SHLD3: variants seen among roughly 807,000 people sequenced by gnomAD.
SHLD3 encodes shieldin complex subunit 3, also known as REV7-interacting novel NHEJ regulator 1.
Under a neutral mutation model 21.4 loss-of-function variants are expected in SHLD3, and 15 were observed. The observed-to-expected ratio is 0.70, with a 90% CI of 0.47 to 1.08. The LOEUF (loss-of-function observed/expected upper bound fraction) is 1.08. SHLD3 is among the 50% of genes least tolerant of loss of function. The probability of loss-of-function intolerance (pLI) is 0.00; values close to 1 mark genes in which losing one functional copy is unlikely to be tolerated. For synonymous variants in SHLD3, 103 were observed against 97.2 expected (o/e 1.06, Z -0.35); for missense variants, 273 against 286.1 (o/e 0.95, Z 0.33).
Position 65,630,544 on chromosome 5 carries a change from G to A in SHLD3, c.*204G>A, listed in dbSNP as rs1186196372. 2.7e-5 allele frequency: 33 copies of A among 1,241,744 alleles called. No individual in the cohort carries two copies. Among genetic ancestry groups the A allele is most frequent in the Non-Finnish European group, 3.2e-5 (32 of 992,664 alleles). 76.9% of individuals were successfully genotyped at this position (1,241,744 alleles called of 1,614,324 possible). A position where few individuals can be genotyped will look rare whatever the true frequency, so the allele number is the denominator to read the frequency against. On this transcript the variant is annotated 3_prime_UTR_variant, in exon 2 of 2. Coordinates refer to ENST00000510585, the MANE Select transcript of SHLD3 (RefSeq NM_001365341.2). ...AATTATTGTTTACACTGAATTTGAA[G>A]GTAAAAATGTTCTGTTCCTTTTGTT...
In SHLD3 at chr5:65,630,170, A is replaced by C. The variant is rs1490823735; in HGVS notation, c.583A>C (p.Asn195His). ...AAAACTCAATCAAATTATTAGGCAC[A>C]ATGAACTTCCATCTTGTAATGCTAC... ...WTKLNQIIRH[N>H]ELPSCNATIQ... Residue 195 changes from asparagine (N) to histidine (H), a missense_variant, in exon 2 of 2, where the codon AAT (asparagine) becomes CAT (histidine). Transcript: ENST00000510585. The C allele has an allele frequency of 2.0e-6, 3 of 1,535,928 alleles. No homozygotes were observed. In the Admixed American group the frequency reaches 5.9e-5, roughly 30 times the overall value.
rs1755453263 is a variant in SHLD3 at position 65,629,865 on chromosome 5, T to G, written c.278T>G (p.Phe93Cys). The G allele has an allele frequency of 1.3e-6, 2 of 1,535,918 alleles. No individual in the cohort carries two copies. The highest frequency in any genetic ancestry group is 2.4e-5 in the South Asian group (2 of 84,058). ...GATTGCACAGTAGATCTATTGGAGT[T>G]TCAACCTAGCTTGAAAAAGCAGCAT... is the stretch of plus-strand genomic sequence containing the variant. ...SYDCTVDLLE[F>C]QPSLKKQHLT... The change falls in exon 2 of 2, where the codon TTT becomes TGT. Residue 93 changes from phenylalanine (F) to cysteine (C), a missense_variant. Coordinates refer to ENST00000510585, the MANE Select transcript of SHLD3 (RefSeq NM_001365341.2).
intron 1 of SHLD3, among the ~76,000 whole-genome samples, chr5:65,628,623 C>T (rs1317914397): frequency 6.6e-6 from 1 of 151,954 alleles, no homozygotes; most frequent in Non-Finnish European, 1.5e-5. Context: ...AGGCACACGC[C>T]ACCACAGCCG....
At chr5:65,627,141 A>T (rs1755277927) in intron 1 of SHLD3, among the ~76,000 whole-genome samples, 1 of 139,236 alleles carries the variant, frequency 7.2e-6, no homozygotes, top group African/African-American at 2.7e-5. Context: ...CAAAAAAAAA[A>T]AAAAAAAAAA....
chr5:65,630,337 G>T lies in SHLD3; in HGVS notation c.750G>T (p.Met250Ile). The change falls in exon 2 of 2, where the codon ATG (methionine) becomes ATT (isoleucine). Residue 250 changes from methionine to isoleucine, a missense_variant. Met to Ile is a conservative substitution (Grantham distance 10). Transcript: ENST00000510585. ...FVHKYGVIFS[M>I] ...ATAAATATGGTGTTATTTTTAGTAT[G>T]TAATGAATTCCACTGATTGTCAAAA... The T allele has an allele frequency of 6.7e-7, 1 of 1,499,738 alleles. No homozygotes were observed. Among genetic ancestry groups the T allele is most frequent in the African/African-American group, 1.4e-5 (1 of 71,868 alleles). The allele number at this position is 1,499,738 out of a possible 1,614,324, so 92.9% of individuals were successfully genotyped here.
intron 1 of SHLD3, among the ~76,000 whole-genome samples, chr5:65,628,868 G>C (rs1405706573): frequency 6.6e-6 from 1 of 151,090 alleles, no homozygotes; most frequent in Non-Finnish European, 1.5e-5. Flanking sequence ...CTATCGCCCA[G>C]GCTGAGTGGC....
In SHLD3 at chr5:65,629,666, A is replaced by G. The variant is rs1480370348; in HGVS notation, c.79A>G (p.Ile27Val). The change falls in exon 2 of 2, where the codon ATT (isoleucine) becomes GTT (valine). Residue 27 changes from isoleucine (I) to valine (V), a missense_variant. Physicochemically the swap from Ile to Val is conservative, Grantham distance 29 (BLOSUM62 3). Coordinates refer to ENST00000510585, the MANE Select transcript of SHLD3 (RefSeq NM_001365341.2). Reference sequence around the variant, plus strand: ...ACTGCCAAAAATTGCAGAAAAAGCAATTCAAGACTTTCCTACTCGTCCGCT... The same window carrying G: ...ACTGCCAAAAATTGCAGAAAAAGCAGTTCAAGACTTTCCTACTCGTCCGCT... ...TQLPKIAEKA[I>V]QDFPTRPLSR... 1.3e-6 allele frequency: 2 copies of G among 1,536,086 alleles called. No homozygotes were observed. The highest frequency in any genetic ancestry group is 3.9e-5 in the Admixed American group (2 of 50,994).
In SHLD3 at chr5:65,630,269, A is replaced by C; in HGVS notation, c.682A>C (p.Lys228Gln). 6.5e-7 allele frequency: 1 copy of C among 1,535,306 alleles called. No individual in the cohort carries two copies. Among genetic ancestry groups the C allele is most frequent in the Non-Finnish European group, 8.7e-7 (1 of 1,146,396 alleles). Residue 228 changes from lysine to glutamine, a missense_variant, in exon 2 of 2, where the codon AAA becomes CAA. By Grantham distance (53) the Lys-to-Gln change is moderately conservative. Coordinates refer to ENST00000510585, the MANE Select transcript of SHLD3 (RefSeq NM_001365341.2). The part of the protein sequence containing the change: ...MYCEYVGSLL[K>Q]GRLALTGKIN... ...TTGTGAATATGTGGGAAGTCTTCTT[A>C]AAGGAAGATTAGCTCTTACTGGAAA...
intron 1 of SHLD3, among the ~76,000 whole-genome samples, chr5:65,626,781 G>A (rs1755255044): frequency 6.6e-6 from 1 of 151,932 alleles, no homozygotes; most frequent in Non-Finnish European, 1.5e-5. Context: ...TACAGAGACT[G>A]CCACTGGGAA....
At chr5:65,628,981 C>G (rs562148782) in intron 1 of SHLD3, among the ~76,000 whole-genome samples, 1 of 152,148 alleles carries the variant, frequency 6.6e-6, no homozygotes, top group South Asian at 2.1e-4. Flanking sequence ...CCACACCCAG[C>G]TAATTTTTTT....
At chr5:65,625,161 A>T in intron 1 of SHLD3, 55 bp downstream of exon 1, 1 of 1,459,558 alleles carries the variant, frequency 6.9e-7, no homozygotes, top group Middle Eastern at 1.7e-4. Context: ...TTCCCTACTT[A>T]TCGAAGCCTT....
In SHLD3 at chr5:65,629,595, C is replaced by A. The variant is rs991865960; in HGVS notation, c.8C>A (p.Thr3Lys). 1 of 1,529,324 alleles carries A rather than the reference C, an allele frequency of 6.5e-7. No individual in the cohort carries two copies. Among genetic ancestry groups the A allele is most frequent in the Non-Finnish European group, 8.7e-7 (1 of 1,143,454 alleles). The allele number at this position is 1,529,324 out of a possible 1,614,324, so 94.7% of individuals were successfully genotyped here. A position where few individuals can be genotyped will look rare whatever the true frequency, so the allele number is the denominator to read the frequency against. The change falls in exon 2 of 2, where the codon ACA becomes AAA. Residue 3 changes from threonine to lysine, a missense_variant. Transcript: ENST00000510585. MT[T>K]EVILHYRPCE... The stretch of plus-strand genomic sequence containing the variant: ...TAACTGGATTACTGCAGAATGACTA[C>A]AGAAGTAATATTACATTATCGACCA...
At position 65,630,701 on chromosome 5, in the gene SHLD3, T is replaced by TTC. The variant is rs1388844455; in HGVS notation, c.*365_*366dup. ...TTTTAAAAAATAAAACTCGAAACAA[T>TTC]TCTCTTTGGAGTGCTATTTATGTGG... On this transcript the variant is annotated 3_prime_UTR_variant, in exon 2 of 2. Coordinates refer to ENST00000510585, the MANE Select transcript of SHLD3 (RefSeq NM_001365341.2). 3 of 988,168 alleles carry TTC rather than the reference T, an allele frequency of 3.0e-6. No individual in the cohort carries two copies. Among genetic ancestry groups the TTC allele is most frequent in the Non-Finnish European group, 3.6e-6 (3 of 827,778 alleles). The allele number at this position is 988,168 out of a possible 1,614,324, so 61.2% of individuals were successfully genotyped here.
Position 65,630,001 on chromosome 5 carries a change from C to A in SHLD3, c.414C>A (p.Ser138Arg). Residue 138 changes from serine to arginine, a missense_variant, in exon 2 of 2, where the codon AGC becomes AGA. Coordinates refer to ENST00000510585, the MANE Select transcript of SHLD3 (RefSeq NM_001365341.2). ...KRRSWSISLPSNNCTKNVSPL... is the reference protein window; with the variant it reads ...KRRSWSISLPRNNCTKNVSPL... ...GATCTTGGAGTATTTCCCTTCCCAGCAATAATTGTACTAAAAACGTTTCTC... is the reference window on the plus strand; with the variant it reads ...GATCTTGGAGTATTTCCCTTCCCAGAAATAATTGTACTAAAAACGTTTCTC... 1.3e-6 allele frequency: 2 copies of A among 1,535,780 alleles called. No individual in the cohort carries two copies. Among genetic ancestry groups the A allele is most frequent in the South Asian group, 1.2e-5 (1 of 84,046 alleles).
rs750440414 is a variant in SHLD3, at chr5:65,625,081, A to G, written c.-146A>G. The G allele has an allele frequency of 2.4e-5, 39 of 1,613,754 alleles. No individual in the cohort carries two copies. The South Asian group carries it at 3.5e-4, about 15-fold the overall frequency. On this transcript the variant is annotated 5_prime_UTR_variant, in exon 1 of 2. Coordinates refer to ENST00000510585, the MANE Select transcript of SHLD3 (RefSeq NM_001365341.2). ...TCAAAATGGAAGTGAATCCCCCTAA[A>G]CAGGAGCACCTGCTGGCGCTAAAAG... is the stretch of plus-strand genomic sequence containing the variant.
chr5:65,625,260 T>A (rs941014216), intron 1 of SHLD3, 154 bp downstream of exon 1: 14 of 670,296 alleles, frequency 2.1e-5, no homozygotes, highest in Non-Finnish European at 3.7e-5. Flanking sequence ...CGATTTCTCC[T>A]GGATGCTTTT....
At chr5:65,629,405 C>T in intron 1 of SHLD3, 63 bp from the exon 2 acceptor site, 2 of 1,240,666 alleles carry the variant, frequency 1.6e-6, no homozygotes, top group South Asian at 2.9e-5. Flanking sequence ...TCCTTTTCTC[C>T]CTGCCTGTTG....
In SHLD3 at chr5:65,630,853, T is replaced by C. The variant is rs143604576; in HGVS notation, c.*513T>C. On this transcript the variant is annotated 3_prime_UTR_variant, in exon 2 of 2. Transcript: ENST00000510585. ...ATGTATACTTTGCCTAAAACGATAA[T>C]GTATCCTGTTTTGAAGGAAAGTATC... 4.9e-6 allele frequency: 1 copy of C among 202,070 alleles called. No homozygotes were observed. The highest frequency in any genetic ancestry group is 2.3e-5 in the African/African-American group (1 of 42,584). The allele number at this position is 202,070 out of a possible 1,614,324, so 12.5% of individuals were successfully genotyped here.
Position 65,630,671 on chromosome 5 carries a change from TA to T in SHLD3, c.*333del. On this transcript the variant is annotated 3_prime_UTR_variant, in exon 2 of 2. Transcript: ENST00000510585. ...TGTATTTTTTTCCTTACCTCAAGTGTAATTTTTTAAAAAATAAAACTCGAAA... is the reference window on the plus strand; with the variant it reads ...TGTATTTTTTTCCTTACCTCAAGTGTATTTTTTAAAAAATAAAACTCGAAA... The T allele has an allele frequency of 1.0e-6, 1 of 1,003,266 alleles. No homozygotes were observed. The highest frequency in any genetic ancestry group is 4.4e-5 in the South Asian group (1 of 22,560). 62.1% of individuals were successfully genotyped at this position (1,003,266 alleles called of 1,614,324 possible).
Sources: allele counts gnomAD v4.1 joint callset (sites outside exome capture counted in the v4.1 genomes callset), GRCh38; gene constraint gnomAD v4.1.1; transcripts MANE v1.5; gene names NCBI Gene and HGNC (gene_info 2026-07-23, HGNC 2026-07-21).